GRK5: variants seen among roughly 807,000 people sequenced by gnomAD.
The protein encoded by GRK5 is G protein-coupled receptor kinase 5.
In GRK5, 40 loss-of-function variants were observed where a neutral mutation model predicts 78.4. The observed-to-expected ratio is 0.51, with a 90% confidence interval of 0.40 to 0.66. The LOEUF is 0.66. Ranked by LOEUF, GRK5 falls within the 30% of genes least tolerant of loss-of-function variation. The pLI, the probability that GRK5 is intolerant of heterozygous loss-of-function variation, is 0.00. For missense variants in GRK5, 598 were observed against 759.9 expected (o/e 0.79, Z 2.50); for synonymous variants, 289 against 296.8 (o/e 0.97, Z 0.27).
chr10:119,227,838 G>C (rs533473044), intron 1 of GRK5, among the ~76,000 whole-genome samples: 1 of 152,116 alleles, frequency 6.6e-6, no homozygotes, highest in African/African-American at 2.4e-5. Flanking sequence ...CAAACATTAC[G>C]ATCTTGTTGC....
intron 1 of GRK5, among the ~76,000 whole-genome samples, chr10:119,221,572 A>G (rs1327865956): frequency 1.3e-5 from 2 of 152,226 alleles, no homozygotes; most frequent in Non-Finnish European, 2.9e-5. Flanking sequence ...TAATATATTT[A>G]ACCAAGCCCC....
chr10:119,344,934 C>A (rs867538801), intron 2 of GRK5, among the ~76,000 whole-genome samples: 9 of 139,918 alleles, frequency 6.4e-5, no homozygotes, highest in South Asian at 4.5e-4. Context: ...TCCTTCCTTC[C>A]TTTTCCTCCC....
At position 119,350,697 on chromosome 10, in the gene GRK5, G is replaced by T. The variant is rs1468846754; in HGVS notation, c.148+24086G>T. ...CGTTTCACTGGTCAGTTCAGATCTT[G>T]CCAGGCTGCCATGGAGTGGATCAAA... is the stretch of plus-strand genomic sequence containing the variant. On this transcript the variant is annotated intron_variant, in intron 2 of 15. Transcript: ENST00000392870. 2.6e-5 allele frequency among the ~76,000 whole-genome samples: 4 copies of T among 152,206 alleles called. No individual in the cohort carries two copies. In the East Asian group the frequency reaches 7.7e-4, roughly 29 times the overall value.
intron 15 of GRK5, among the ~76,000 whole-genome samples, chr10:119,453,573 C>T (rs749581490): frequency 6.6e-5 from 10 of 152,186 alleles, no homozygotes; most frequent in Non-Finnish European, 1.2e-4. Flanking sequence ...TCCTGTGCAT[C>T]GCAAGATGTG....
At chr10:119,247,397 A>G (rs1224362305) in intron 1 of GRK5, among the ~76,000 whole-genome samples, 1 of 152,226 alleles carries the variant, frequency 6.6e-6, no homozygotes, top group African/African-American at 2.4e-5. Context: ...AGCTATGTTC[A>G]TGCCAGTGGA....
intron 1 of GRK5, among the ~76,000 whole-genome samples, chr10:119,326,239 TG>T (rs1850675028): frequency 6.6e-6 from 1 of 152,144 alleles, no homozygotes; most frequent in Admixed American, 6.5e-5. Flanking sequence ...GGAACAGCCG[TG>T]GGGGATGCCT....
In GRK5 at chr10:119,336,096, T is replaced by A. The variant is rs187429048; in HGVS notation, c.148+9485T>A. ...AGCTGAATCGGCTACACATGATGGA[T>A]GAGGCCAGCTGTTTTTGTGCTGAGG... On this transcript the variant is annotated intron_variant, in intron 2 of 15. Transcript: ENST00000392870. This position sits in a 1 kb window ranked among gnomAD's most constrained non-coding sequence, Gnocchi z 4.5. 91 of 152,478 alleles carry A rather than the reference T, an allele frequency of 6.0e-4. No individual in the cohort carries two copies. The highest frequency in any genetic ancestry group is 2.1e-3 in the African/African-American group (89 of 41,580). 9.4% of individuals were successfully genotyped at this position (152,478 alleles called of 1,614,324 possible). A position where few individuals can be genotyped will look rare whatever the true frequency, so the allele number is the denominator to read the frequency against.
At chr10:119,432,157 T>G (rs1478272324) in intron 8 of GRK5, among the ~76,000 whole-genome samples, 2 of 152,228 alleles carry the variant, frequency 1.3e-5, no homozygotes, top group Admixed American at 1.3e-4. Flanking sequence ...ACTGGACAGA[T>G]GTTCCTCAGT....
At chr10:119,274,198 T>C (rs905068368) in intron 1 of GRK5, among the ~76,000 whole-genome samples, 8 of 152,180 alleles carry the variant, frequency 5.3e-5, no homozygotes, top group South Asian at 4.2e-4. Flanking sequence ...GGAGGGGACA[T>C]GGGTGCTGGC....
intron 1 of GRK5, among the ~76,000 whole-genome samples, chr10:119,231,695 A>G: frequency 6.7e-6 from 1 of 150,190 alleles, no homozygotes; most frequent in Non-Finnish European, 1.5e-5. Flanking sequence ...TGACAGAGCA[A>G]GACTCTGCCT....
chr10:119,431,248 G>A lies in GRK5; in HGVS notation c.598-139G>A. ...GGCATCACTGGGTCCTGGGAGCCTG[G>A]AGCACTCATGAAGCCAGGCAGGGCC... On this transcript the variant is annotated intron_variant, in intron 7 of 15. Transcript: ENST00000392870. The surrounding 1 kb of genome is among the most constrained non-coding windows in gnomAD (Gnocchi z 4.8). 1.1e-6 allele frequency: 1 copy of A among 943,068 alleles called. No homozygotes were observed. The highest frequency in any genetic ancestry group is 1.5e-6 in the Non-Finnish European group (1 of 653,412). 58.4% of individuals were successfully genotyped at this position (943,068 alleles called of 1,614,324 possible).
In GRK5 at chr10:119,326,500, T is replaced by C. The variant is rs1240125713; in HGVS notation, c.53-16T>C. 1.9e-6 allele frequency: 3 copies of C among 1,606,162 alleles called. No individual in the cohort carries two copies. Among genetic ancestry groups the C allele is most frequent in the African/African-American group, 1.3e-5 (1 of 74,756 alleles). On this transcript the variant is annotated splice_polypyrimidine_tract_variant and intron_variant, in intron 1 of 15. Transcript: ENST00000392870. ...TCTGGAGCCTCAGCCAGGCATCTTT[T>C]TCCCCATCTCTGCAGGGGGCGGAGG...
At chr10:119,347,047 T>A (rs1490625490) in intron 2 of GRK5, among the ~76,000 whole-genome samples, 4 of 152,176 alleles carry the variant, frequency 2.6e-5, no homozygotes, top group Non-Finnish European at 5.9e-5. Flanking sequence ...CTTAGACTGC[T>A]CAGTCCTGAG....
Position 119,261,193 on chromosome 10 carries a change from C to T in GRK5, c.52+53224C>T, listed in dbSNP as rs571410568. Among the ~76,000 whole-genome samples the T allele has an allele frequency of 9.9e-3, 1,485 of 149,490 alleles. 22 individuals carry two copies. The highest frequency in any genetic ancestry group is 0.034 in the African/African-American group (1,354 of 40,358). On this transcript the variant is annotated intron_variant, in intron 1 of 15. Transcript: ENST00000392870. ...CTCACTTCTCAAACGGGGCGGCTGC[C>T]GGGCGGAGGGTCTCCTCACTTATCA...
intron 2 of GRK5, 46 bp from the exon 3 acceptor site, chr10:119,380,769 T>C: frequency 8.3e-7 from 1 of 1,210,722 alleles, no homozygotes; most frequent in South Asian, 1.2e-5. Context: ...AGGCCCTGCC[T>C]GGCCTTCTCC....
chr10:119,251,002 T>C (rs1382731967), intron 1 of GRK5, among the ~76,000 whole-genome samples: 1 of 152,186 alleles, frequency 6.6e-6, no homozygotes, highest in Non-Finnish European at 1.5e-5. Context: ...ATGAAGCAGC[T>C]TCATTCACCC....
intron 1 of GRK5, among the ~76,000 whole-genome samples, chr10:119,285,330 A>G (rs943126167): frequency 1.3e-5 from 2 of 152,180 alleles, no homozygotes; most frequent in Non-Finnish European, 2.9e-5. Flanking sequence ...GGTCCTGAGT[A>G]CAGTGGGAGG....
chr10:119,441,055 A>G (rs543368561), intron 10 of GRK5, among the ~76,000 whole-genome samples: 11 of 152,304 alleles, frequency 7.2e-5, no homozygotes, highest in Non-Finnish European at 1.5e-4. Flanking sequence ...GGGAGGGGAG[A>G]AACCGGGTCG....
intron 1 of GRK5, among the ~76,000 whole-genome samples, chr10:119,293,350 C>A (rs1850017345): frequency 6.6e-6 from 1 of 152,162 alleles, no homozygotes; most frequent in African/African-American, 2.4e-5. Flanking sequence ...TGGCGACGCC[C>A]AGTCTGTTTC....
Sources: gnomAD v4.1 joint callset for allele counts (sites outside exome capture counted in the v4.1 genomes callset) on GRCh38, gnomAD v4.1.1 for gene constraint, Gnocchi (gnomAD v3.1) non-coding constraint, MANE v1.5 for transcripts, NCBI Gene and HGNC (gene_info 2026-07-23, HGNC 2026-07-21) for gene names.